ADCY2: variants seen among roughly 807,000 people sequenced by gnomAD.
ADCY2 encodes the protein adenylate cyclase 2, also known as adenylate cyclase type 2.
In ADCY2, 31 loss-of-function variants were observed where a neutral mutation model predicts 125.2. The ratio of observed to expected loss-of-function variants is 0.25; its 90% CI spans 0.19 to 0.33. The LOEUF (loss-of-function observed/expected upper bound fraction) is 0.33. ADCY2 is among the 10% of genes least tolerant of loss of function. The probability of loss-of-function intolerance (pLI) is 1.00; values close to 1 mark genes in which losing one functional copy is unlikely to be tolerated. For missense variants in ADCY2, 904 were observed against 1,418.2 expected, an observed-to-expected ratio of 0.64 and a Z score of 5.82; for synonymous variants, 512 against 548.4, an observed-to-expected ratio of 0.93 and a Z score of 0.93.
chr5:7,450,325 C>A (rs1282216524), intron 2 of ADCY2, among the ~76,000 whole-genome samples: 2 of 152,092 alleles, frequency 1.3e-5, no homozygotes, highest in African/African-American at 4.8e-5. Context: ...AGTCTTATTG[C>A]TGATATAGAG....
At chr5:7,399,668 TG>T (rs577552291) in intron 1 of ADCY2, among the ~76,000 whole-genome samples, 15 of 152,360 alleles carry the variant, frequency 9.8e-5, no homozygotes, top group African/African-American at 3.1e-4. Flanking sequence ...TAAAATTTGA[TG>T]GCATGTCTTG....
chr5:7,492,272 T>C (rs929129337), intron 2 of ADCY2, among the ~76,000 whole-genome samples: 3 of 152,148 alleles, frequency 2.0e-5, no homozygotes, highest in Non-Finnish European at 2.9e-5. Context: ...GGGACCACAA[T>C]GATAGGTGGA....
chr5:7,606,072 T>A (rs1255129482), intron 3 of ADCY2, among the ~76,000 whole-genome samples: 3 of 150,970 alleles, frequency 2.0e-5, no homozygotes, highest in Non-Finnish European at 4.4e-5. Flanking sequence ...GAGATAATCA[T>A]GTGGTTTTTG....
At chr5:7,498,652 C>T (rs1240693321) in intron 2 of ADCY2, among the ~76,000 whole-genome samples, 1 of 152,174 alleles carries the variant, frequency 6.6e-6, no homozygotes, top group Non-Finnish European at 1.5e-5. Flanking sequence ...CAGCCTACTG[C>T]ACAGCAATTT....
chr5:7,527,025 G>A (rs1359753506), intron 3 of ADCY2, among the ~76,000 whole-genome samples: 9 of 152,220 alleles, frequency 5.9e-5, no homozygotes, highest in Non-Finnish European at 1.3e-4. Flanking sequence ...GCATTTGACT[G>A]TAAGTTCCAT....
At chr5:7,825,952 G>A (rs926466206) in intron 24 of ADCY2, among the ~76,000 whole-genome samples, 11 of 152,320 alleles carry the variant, frequency 7.2e-5, no homozygotes, top group Non-Finnish European at 1.3e-4. Flanking sequence ...TTCAGCTGCC[G>A]GGTCCCTCGC....
At chr5:7,707,911 A>G (rs916098974) in intron 9 of ADCY2, 73 bp downstream of exon 9, 8 of 1,513,958 alleles carry the variant, frequency 5.3e-6, no homozygotes, top group Non-Finnish European at 7.2e-6. Flanking sequence ...AAGTGTTTTT[A>G]GTCAATATCC....
At chr5:7,721,666 T>C (rs981927797) in intron 12 of ADCY2, among the ~76,000 whole-genome samples, 1 of 152,218 alleles carries the variant, frequency 6.6e-6, no homozygotes, top group African/African-American at 2.4e-5. Flanking sequence ...CCTTTCCCCA[T>C]TTCTTGTTTT....
chr5:7,691,597 C>T (rs1178333730), intron 5 of ADCY2: 1 of 152,152 alleles, frequency 6.6e-6, no homozygotes, highest in East Asian at 1.9e-4. Context: ...CTGCCCCTGT[C>T]TCCGAGCCAC....
At chr5:7,826,602 G>T in intron 24 of ADCY2, 117 bp from the exon 25 acceptor site, 1 of 1,318,832 alleles carries the variant, frequency 7.6e-7, no homozygotes, top group Non-Finnish European at 1.1e-6. Context: ...AACTTCTCAG[G>T]AGTGGAATTC....
intron 2 of ADCY2, among the ~76,000 whole-genome samples, chr5:7,448,249 G>A (rs1741348527): frequency 6.6e-6 from 1 of 152,158 alleles, no homozygotes; most frequent in Non-Finnish European, 1.5e-5. Context: ...TTGTCTCAAA[G>A]GAGTTATCAG....
chr5:7,477,934 C>G (rs113290613), intron 2 of ADCY2, among the ~76,000 whole-genome samples: 2,453 of 152,240 alleles, frequency 0.016, 70 homozygotes, highest in African/African-American at 0.056. Context: ...ATGGACACAG[C>G]TGTGAACCTA....
intron 2 of ADCY2, among the ~76,000 whole-genome samples, chr5:7,424,213 GC>G (rs1740308810): frequency 6.6e-6 from 1 of 152,188 alleles, no homozygotes; most frequent in Admixed American, 6.5e-5. Context: ...CTGTGCACTT[GC>G]CCCTTCTACC....
At chr5:7,443,356 T>C (rs1256593066) in intron 2 of ADCY2, among the ~76,000 whole-genome samples, 1 of 152,054 alleles carries the variant, frequency 6.6e-6, no homozygotes, top group East Asian at 1.9e-4. Flanking sequence ...ATTCTTGTTT[T>C]ATTGTGGAAT....
At chr5:7,822,222 T>C (rs1238613844) in intron 24 of ADCY2, among the ~76,000 whole-genome samples, 1 of 152,250 alleles carries the variant, frequency 6.6e-6, no homozygotes, top group Non-Finnish European at 1.5e-5. Context: ...GATGTAACTT[T>C]AAATATATTT....
chr5:7,501,178 T>C (rs1421228102), intron 2 of ADCY2, among the ~76,000 whole-genome samples: 1 of 152,018 alleles, frequency 6.6e-6, no homozygotes, highest in Non-Finnish European at 1.5e-5. Flanking sequence ...TTGGACTTCC[T>C]GCTGAGGCTG....
At chr5:7,714,745 A>G (rs1018615704) in intron 11 of ADCY2, among the ~76,000 whole-genome samples, 1 of 152,224 alleles carries the variant, frequency 6.6e-6, no homozygotes, top group African/African-American at 2.4e-5. Flanking sequence ...CCTCCTGGAG[A>G]GAACCCCAGT....
At chr5:7,765,517 G>T (rs999876787) in intron 16 of ADCY2, among the ~76,000 whole-genome samples, 1 of 152,054 alleles carries the variant, frequency 6.6e-6, no homozygotes, top group Non-Finnish European at 1.5e-5. Flanking sequence ...TTAGTCAAAT[G>T]ATATAACGGC....
chr5:7,544,391 C>G (rs1483427857), intron 3 of ADCY2, among the ~76,000 whole-genome samples: 1 of 152,196 alleles, frequency 6.6e-6, no homozygotes, highest in African/African-American at 2.4e-5. Context: ...GAGAGAATCT[C>G]TATCCTTGCC....
Sources: allele counts gnomAD v4.1 joint callset (sites outside exome capture counted in the v4.1 genomes callset), GRCh38; gene constraint gnomAD v4.1.1; transcripts MANE v1.5; gene names NCBI Gene and HGNC (gene_info 2026-07-23, HGNC 2026-07-21).